TTC7A: variants seen among roughly 807,000 people sequenced by gnomAD.
TTC7A encodes tetratricopeptide repeat domain 7A.
Under a neutral mutation model 103.7 loss-of-function variants are expected in TTC7A, and 110 were observed. The ratio of observed to expected loss-of-function variants is 1.06; its 90% CI spans 0.91 to 1.24. The LOEUF (loss-of-function observed/expected upper bound fraction) is 1.24. Among genes scored for constraint, TTC7A ranks in the 50% most tolerant of loss-of-function variants. The pLI is 0.00. For missense variants in TTC7A, 1,340 were observed against 1,116.3 expected, an observed-to-expected ratio of 1.20 and a Z score of -2.86; for synonymous variants, 521 against 467.9, an observed-to-expected ratio of 1.11 and a Z score of -1.47.
At chr2:47,032,284 C>G (rs929933163) in intron 15 of TTC7A, among the ~76,000 whole-genome samples, 2 of 152,272 alleles carry the variant, frequency 1.3e-5, no homozygotes, top group Non-Finnish European at 2.9e-5. Flanking sequence ...TCAAAGGGAG[C>G]CCGACCTCAA....
At chr2:47,065,886 G>C (rs1684142928) in intron 19 of TTC7A, 1 of 152,116 alleles carries the variant, frequency 6.6e-6, no homozygotes, top group Non-Finnish European at 1.5e-5. Flanking sequence ...GTGGCACTCT[G>C]CCCTCTTCTC....
At chr2:46,929,970 A>G (rs1290360062) in intron 2 of TTC7A, among the ~76,000 whole-genome samples, 1 of 152,214 alleles carries the variant, frequency 6.6e-6, no homozygotes, top group Admixed American at 6.5e-5. Flanking sequence ...TGAGCCCCAG[A>G]GTGAAGAAAT....
intron 2 of TTC7A, chr2:46,956,469 C>T (rs1671859592): frequency 4.5e-6 from 1 of 220,648 alleles, no homozygotes; most frequent in African/African-American, 2.2e-5. Context: ...TCTGACTCCC[C>T]ACTTGTGTTT....
chr2:46,989,799 CGTGTGTGTGTGTGTGTGCATCTGT>C (rs754190827), intron 5 of TTC7A, among the ~76,000 whole-genome samples: 14,635 of 144,120 alleles, frequency 0.1, 820 homozygotes, highest in Admixed American at 0.14. Context: ...TCTTTAATTG[CGTGTGTGTGTGTGTGTGCATCTGT>C]GTGTGTGTGT....
intron 1 of TTC7A, among the ~76,000 whole-genome samples, chr2:46,944,374 G>GTTTTTTTTTTTT (rs34191565): frequency 3.4e-5 from 3 of 88,944 alleles, no homozygotes; most frequent in Admixed American, 1.6e-4. Context: ...GGTATTTTGG[G>GTTTTTTTTTTTT]TTTTTTTTTT....
chr2:47,056,337 G>A (rs547917117), intron 18 of TTC7A, among the ~76,000 whole-genome samples: 1 of 152,322 alleles, frequency 6.6e-6, no homozygotes, highest in African/African-American at 2.4e-5. Flanking sequence ...TCTTTTGGGG[G>A]GACTAACCTA....
chr2:46,927,633 TACAGGCA>T, intron 2 of TTC7A, among the ~76,000 whole-genome samples: 1 of 152,172 alleles, frequency 6.6e-6, no homozygotes, highest in South Asian at 2.1e-4. Context: ...GTGCTGGGAT[TACAGGCA>T]TGAGCTACCG....
chr2:46,983,799 C>G (rs1378987715), intron 5 of TTC7A, among the ~76,000 whole-genome samples: 1 of 152,200 alleles, frequency 6.6e-6, no homozygotes, highest in African/African-American at 2.4e-5. Context: ...TTTATTTGCC[C>G]TTTAGAGAAA....
chr2:47,021,938 A>T lies in TTC7A; in HGVS notation c.1469A>T (p.Tyr490Phe), dbSNP rs773674724. ...EEAGEFLPKGYLALGLTYSLQ... is the reference protein window; with the variant it reads ...EEAGEFLPKGFLALGLTYSLQ... ...GCCGGGGAGTTCCTCCCCAAGGGCT[A>T]CCTGGCTCTGGGTCTCACCTATAGC... The change falls in exon 12 of 20, where the codon TAC becomes TTC. Residue 490 changes from tyrosine (Y) to phenylalanine (F), a missense_variant. Tyr to Phe is a conservative substitution (Grantham distance 22). Transcript: ENST00000319190. 1.2e-6 allele frequency: 2 copies of T among 1,614,072 alleles called. No individual in the cohort carries two copies. Among genetic ancestry groups the T allele is most frequent in the Non-Finnish European group, 1.7e-6 (2 of 1,179,940 alleles).
intron 3 of TTC7A, among the ~76,000 whole-genome samples, chr2:46,973,190 G>T (rs1369577712): frequency 6.6e-6 from 1 of 152,206 alleles, no homozygotes; most frequent in Admixed American, 6.5e-5. Flanking sequence ...GCAGAATGGA[G>T]CCCCTGAAAT....
chr2:47,037,926 G>A (rs938871663), intron 15 of TTC7A, among the ~76,000 whole-genome samples: 2 of 152,178 alleles, frequency 1.3e-5, no homozygotes, highest in Admixed American at 1.3e-4. Context: ...AGGGTAAATA[G>A]ACGCTGTCAT....
At chr2:46,927,132 T>G (rs2103824557) in intron 2 of TTC7A, among the ~76,000 whole-genome samples, 2 of 152,170 alleles carry the variant, frequency 1.3e-5, no homozygotes, top group Admixed American at 1.3e-4. Context: ...CTTACTTGTA[T>G]GTAGTTGGAG....
intron 3 of TTC7A, among the ~76,000 whole-genome samples, chr2:46,962,443 T>C (rs373150994): frequency 6.6e-6 from 1 of 152,196 alleles, no homozygotes; most frequent in East Asian, 1.9e-4. Flanking sequence ...CCAAGGCTCC[T>C]GGCCCACCTC....
At chr2:47,006,897 C>T (rs2104458576) in intron 10 of TTC7A, among the ~76,000 whole-genome samples, 173 bp downstream of exon 10, 1 of 152,246 alleles carries the variant, frequency 6.6e-6, no homozygotes, top group South Asian at 2.1e-4. Context: ...TGTGTGAATT[C>T]CTGTCCACGT....
chr2:47,009,340 G>A (rs1456569185), intron 10 of TTC7A, among the ~76,000 whole-genome samples: 1 of 151,944 alleles, frequency 6.6e-6, no homozygotes, highest in Non-Finnish European at 1.5e-5. Flanking sequence ...GGCCTTTTTT[G>A]TCTCTCCCAC....
intron 8 of TTC7A, among the ~76,000 whole-genome samples, chr2:46,998,185 C>T (rs1326551852): frequency 6.6e-6 from 1 of 152,118 alleles, no homozygotes; most frequent in Non-Finnish European, 1.5e-5. Flanking sequence ...GTGGGGTTGG[C>T]TGGTTTGTTT....
chr2:46,932,365 T>A (rs1279896512), intron 2 of TTC7A, among the ~76,000 whole-genome samples: 2 of 152,090 alleles, frequency 1.3e-5, no homozygotes, highest in Non-Finnish European at 2.9e-5. Flanking sequence ...ACCAGGCTGG[T>A]CTCAAACTCT....
chr2:47,036,429 C>T (rs181060979), intron 15 of TTC7A, among the ~76,000 whole-genome samples: 1 of 152,114 alleles, frequency 6.6e-6, no homozygotes, highest in African/African-American at 2.4e-5. Context: ...TCCTCCAGAC[C>T]GAAGGAAAAA....
chr2:46,994,061 TG>T lies in TTC7A; in HGVS notation c.844-292del, dbSNP rs370445095. Among the ~76,000 whole-genome samples the T allele has an allele frequency of 2.7e-4, 41 of 151,614 alleles. No individual in the cohort carries two copies. The East Asian group carries it at 6.2e-3, about 23-fold the overall frequency. On this transcript the variant is annotated intron_variant, in intron 6 of 19. Coordinates refer to ENST00000319190, the MANE Select transcript of TTC7A (RefSeq NM_020458.4). ...GCAAGGTCCTGCTGAATACTCAGAG[TG>T]GGGCTGGGCTCCAAGGGGTCAGGAG...
Sources: allele counts gnomAD v4.1 joint callset (sites outside exome capture counted in the v4.1 genomes callset), GRCh38; gene constraint gnomAD v4.1.1; transcripts MANE v1.5; gene names NCBI Gene and HGNC (gene_info 2026-07-23, HGNC 2026-07-21).